The following SRGAP3 variants were observed in gnomAD, a reference collection of about 807,000 sequenced individuals.
SRGAP3 encodes the protein SLIT-ROBO Rho GTPase-activating protein 3.
SRGAP3 carries 39 observed loss-of-function variants against 121.1 expected under a neutral mutation model. That is an observed-to-expected ratio of 0.32 (90% CI 0.25 to 0.42). SRGAP3 has a LOEUF of 0.42. SRGAP3 is among the 10% of genes least tolerant of loss of function. SRGAP3 has a pLI of 1.00. For missense variants in SRGAP3, 1,213 were observed against 1,470.6 expected, an observed-to-expected ratio of 0.82 and a Z score of 2.86; for synonymous variants, 601 against 570.0, an observed-to-expected ratio of 1.05 and a Z score of -0.77.
intron 14 of SRGAP3, among the ~76,000 whole-genome samples, chr3:9,024,647 T>G (rs1469554612): frequency 6.6e-6 from 1 of 152,198 alleles, no homozygotes; most frequent in Non-Finnish European, 1.5e-5. Flanking sequence ...AGCTTTCATA[T>G]CCTTGTTTAA....
chr3:9,051,028 T>C (rs1339391542), intron 9 of SRGAP3, among the ~76,000 whole-genome samples: 1 of 116,410 alleles, frequency 8.6e-6, no homozygotes, highest in African/African-American at 3.2e-5. Flanking sequence ...TTTTTTTTTT[T>C]TTTTTTTTTT....
chr3:9,231,182 T>TC (rs1559229515), intron 1 of SRGAP3, among the ~76,000 whole-genome samples: 1 of 152,180 alleles, frequency 6.6e-6, no homozygotes, highest in South Asian at 2.1e-4. Context: ...AGGGCTTTTG[T>TC]CCAAGGAGCT....
At chr3:9,344,926 A>G (rs781283271) in intron 1 of SRGAP3, among the ~76,000 whole-genome samples, 4 of 151,934 alleles carry the variant, frequency 2.6e-5, no homozygotes, top group Non-Finnish European at 5.9e-5. Flanking sequence ...AGTCCCAGCT[A>G]CTCAGGAGGC....
chr3:9,092,073 G>A (rs1947780908), intron 3 of SRGAP3, among the ~76,000 whole-genome samples: 1 of 152,086 alleles, frequency 6.6e-6, no homozygotes, highest in Admixed American at 6.6e-5. Context: ...ACACCCGGGA[G>A]CCCAGGCATG....
chr3:9,110,852 T>C (rs1948597622), intron 2 of SRGAP3, among the ~76,000 whole-genome samples: 1 of 152,170 alleles, frequency 6.6e-6, no homozygotes, highest in East Asian at 1.9e-4. Context: ...CTACCACATC[T>C]GAAAGAAGAA....
rs568141831 is a variant in SRGAP3, at chr3:9,075,762, T to C, written c.486+4263A>G. Among the ~76,000 whole-genome samples the C allele has an allele frequency of 1.2e-4, 19 of 152,308 alleles. 1 individual carries two copies. The South Asian group carries it at 3.9e-3, about 32-fold the overall frequency. On this transcript the variant is annotated intron_variant, in intron 4 of 21. Transcript: ENST00000383836. The stretch of plus-strand genomic sequence containing the variant: ...TGCATTATTTGTTCCTCAGTGACTG[T>C]GGTAATGACCCTAGGGCTGAGGGAG...
At chr3:9,179,071 C>T (rs1454182107) in intron 1 of SRGAP3, among the ~76,000 whole-genome samples, 1 of 152,204 alleles carries the variant, frequency 6.6e-6, no homozygotes, top group African/African-American at 2.4e-5. Flanking sequence ...AAGATCCATC[C>T]ACCCAGTAAC....
chr3:9,167,479 A>G (rs1391065235), intron 1 of SRGAP3, among the ~76,000 whole-genome samples: 3 of 152,126 alleles, frequency 2.0e-5, no homozygotes, highest in African/African-American at 7.2e-5. Flanking sequence ...CTCACTTTGC[A>G]CACATGCTGA....
chr3:9,041,961 C>T lies in SRGAP3; in HGVS notation c.1409-3871G>A, dbSNP rs1159249191. 3.3e-5 allele frequency among the ~76,000 whole-genome samples: 5 copies of T among 152,006 alleles called. No individual in the cohort carries two copies. The East Asian group carries it at 5.8e-4, about 18-fold the overall frequency. ...ACTAAAAACAGAAAAATCAGCTGGGCGTGGTGGCGGACACCTGTAATCCCG... is the reference window on the plus strand; with the variant it reads ...ACTAAAAACAGAAAAATCAGCTGGGTGTGGTGGCGGACACCTGTAATCCCG... On this transcript the variant is annotated intron_variant, in intron 10 of 21. Coordinates refer to ENST00000383836, the MANE Select transcript of SRGAP3 (RefSeq NM_014850.4).
chr3:9,283,130 G>C (rs566888900), intron 3 of SRGAP3, among the ~76,000 whole-genome samples: 3 of 151,728 alleles, frequency 2.0e-5, no homozygotes, highest in African/African-American at 7.3e-5. Flanking sequence ...TTGTAGAGAC[G>C]GGGTTTCTCC....
intron 3 of SRGAP3, among the ~76,000 whole-genome samples, chr3:9,271,028 CA>C (rs1954466193): frequency 6.6e-6 from 1 of 152,202 alleles, no homozygotes. Context: ...CACACTCCCT[CA>C]AATGCCTAAA....
intron 3 of SRGAP3, among the ~76,000 whole-genome samples, chr3:9,092,961 T>TTCTCTC (rs145213265): frequency 6.7e-6 from 1 of 149,776 alleles, no homozygotes; most frequent in Non-Finnish European, 1.5e-5. Flanking sequence ...TATATACATA[T>TTCTCTC]TCTCTCTCTC....
chr3:8,988,902 C>T (rs1034288006), intron 21 of SRGAP3, among the ~76,000 whole-genome samples: 10 of 152,334 alleles, frequency 6.6e-5, no homozygotes, highest in East Asian at 5.8e-4. Context: ...GCAGAGCTCA[C>T]GCAATAATGC....
At chr3:9,270,871 A>G (rs1954461723) in intron 3 of SRGAP3, among the ~76,000 whole-genome samples, 1 of 152,106 alleles carries the variant, frequency 6.6e-6, no homozygotes, top group Non-Finnish European at 1.5e-5. Context: ...CTTTCCCGGA[A>G]ATGCCTTACC....
intron 19 of SRGAP3, 69 bp downstream of exon 19, chr3:8,994,274 C>T: frequency 6.2e-7 from 1 of 1,600,056 alleles, no homozygotes; most frequent in Non-Finnish European, 8.5e-7. Flanking sequence ...TAGCACTCCC[C>T]TACGGTGCCC....
At chr3:9,312,600 T>G (rs537506382) in intron 3 of SRGAP3, among the ~76,000 whole-genome samples, 1 of 152,328 alleles carries the variant, frequency 6.6e-6, no homozygotes, top group Non-Finnish European at 1.5e-5. Flanking sequence ...AACGACACAA[T>G]TAGAGTCTCT....
chr3:9,151,703 C>T (rs1177583382), intron 1 of SRGAP3, among the ~76,000 whole-genome samples: 1 of 152,148 alleles, frequency 6.6e-6, no homozygotes, highest in African/African-American at 2.4e-5. Flanking sequence ...TGTGAAGTTC[C>T]CAGCAACAGG....
chr3:9,132,033 T>G (rs1277799066), intron 1 of SRGAP3, among the ~76,000 whole-genome samples: 1 of 152,056 alleles, frequency 6.6e-6, no homozygotes, highest in Non-Finnish European at 1.5e-5. Flanking sequence ...TCCCCACTGC[T>G]CCTCACAACC....
At chr3:9,157,348 C>T (rs1488355357) in intron 1 of SRGAP3, among the ~76,000 whole-genome samples, 2 of 152,114 alleles carry the variant, frequency 1.3e-5, no homozygotes, top group Admixed American at 6.6e-5. Context: ...GGAAATCCAC[C>T]CCCATGATCC....
Sources: gnomAD v4.1 joint callset for allele counts (sites outside exome capture counted in the v4.1 genomes callset) on GRCh38, gnomAD v4.1.1 for gene constraint, MANE v1.5 for transcripts, NCBI Gene and HGNC (gene_info 2026-07-23, HGNC 2026-07-21) for gene names.